The following LTBP2 variants were observed in gnomAD, a reference collection of about 807,000 sequenced individuals.
The protein encoded by LTBP2 is latent transforming growth factor beta binding protein 2, also known as latent-transforming growth factor beta-binding protein 2.
Under a neutral mutation model 210.6 loss-of-function variants are expected in LTBP2, and 103 were observed. The observed-to-expected ratio is 0.49, with a 90% CI of 0.42 to 0.58. The LOEUF (loss-of-function observed/expected upper bound fraction) is 0.58. LTBP2 is among the 20% of genes least tolerant of loss of function. The pLI is 0.00. For synonymous variants in LTBP2, 1,007 were observed against 1,015.0 expected (o/e 0.99, Z 0.15); for missense variants, 2,313 against 2,494.5 (o/e 0.93, Z 1.55).
At chr14:74,561,980 CG>C (rs2087799994) in intron 3 of LTBP2, among the ~76,000 whole-genome samples, 1 of 152,038 alleles carries the variant, frequency 6.6e-6, no homozygotes, top group Non-Finnish European at 1.5e-5. Flanking sequence ...GAGGCCGAGG[CG>C]GATGGATCAC....
intron 7 of LTBP2, 82 bp downstream of exon 7, chr14:74,550,982 G>T: frequency 6.6e-7 from 1 of 1,526,516 alleles, no homozygotes; most frequent in Non-Finnish European, 9.0e-7. Context: ...GAACAAAGAG[G>T]ACAGAGAGGA....
Position 74,499,253 on chromosome 14 carries a change from G to A in LTBP2, c.*1631C>T, listed in dbSNP as rs183119073. 436 of 217,298 alleles carry A rather than the reference G, an allele frequency of 2.0e-3. No homozygotes were observed. The highest frequency in any genetic ancestry group is 3.3e-3 in the Non-Finnish European group (361 of 107,856). 13.5% of individuals were successfully genotyped at this position (217,298 alleles called of 1,614,324 possible). A position where few individuals can be genotyped will look rare whatever the true frequency, so the allele number is the denominator to read the frequency against. ...TGAGTGAAAGAATATTTTTACATGC[G>A]TAAGAGTGACTTATTTTTGTCTGCT... is the stretch of plus-strand genomic sequence containing the variant. On this transcript the variant is annotated 3_prime_UTR_variant, in exon 36 of 36. Coordinates refer to ENST00000261978, the MANE Select transcript of LTBP2 (RefSeq NM_000428.3).
chr14:74,528,297 G>A (rs1416846857), intron 12 of LTBP2, among the ~76,000 whole-genome samples, 186 bp downstream of exon 12: 1 of 152,218 alleles, frequency 6.6e-6, no homozygotes, highest in African/African-American at 2.4e-5. Flanking sequence ...ATATGGAAGA[G>A]GAAGTGGGTG....
intron 8 of LTBP2, among the ~76,000 whole-genome samples, chr14:74,537,411 T>C (rs2087435759): frequency 6.6e-6 from 1 of 152,208 alleles, no homozygotes; most frequent in Non-Finnish European, 1.5e-5. Context: ...GCACGAGCAA[T>C]TGCCACAGAC....
intron 17 of LTBP2, 50 bp downstream of exon 17, chr14:74,521,861 C>G: frequency 1.2e-6 from 2 of 1,611,888 alleles, no homozygotes; most frequent in Non-Finnish European, 1.7e-6. Context: ...CCTCTTCCAC[C>G]CCCTCAAGAC....
chr14:74,594,931 CAG>C (rs897011686), intron 2 of LTBP2, among the ~76,000 whole-genome samples: 12 of 152,360 alleles, frequency 7.9e-5, no homozygotes, highest in African/African-American at 2.9e-4. Flanking sequence ...GTCAGGGCCT[CAG>C]GGGCTCACCC....
chr14:74,536,772 G>A (rs1325256725), intron 8 of LTBP2, among the ~76,000 whole-genome samples: 1 of 152,204 alleles, frequency 6.6e-6, no homozygotes, highest in African/African-American at 2.4e-5. Flanking sequence ...CTTGAACCCA[G>A]GAGGGGGAGG....
chr14:74,558,931 T>G (rs2087761283), intron 3 of LTBP2, among the ~76,000 whole-genome samples: 1 of 152,174 alleles, frequency 6.6e-6, no homozygotes, highest in Non-Finnish European at 1.5e-5. Context: ...GCAAGTCACT[T>G]AGCTCCCCTG....
Position 74,502,875 on chromosome 14 carries a change from G to A in LTBP2, c.4948C>T (p.His1650Tyr), listed in dbSNP as rs755064752. Reference protein sequence around the residue: ...RIEAEREAGVHFRPGYEYGPG... With the variant: ...RIEAEREAGVYFRPGYEYGPG... ...CCATACTCATAGCCTGGCCGGAAGT[G>A]GACCCCGGCCTCCCGCTCTGCCTCA... The change falls in exon 34 of 36, where the codon CAC becomes TAC. Residue 1650 changes from histidine to tyrosine, a missense_variant. Transcript: ENST00000261978. The A allele has an allele frequency of 7.7e-5, 125 of 1,613,542 alleles. 4 individuals are homozygous for A. In the South Asian group the frequency reaches 1.4e-3, roughly 18 times the overall value.
At chr14:74,530,042 C>T (rs190479373) in intron 10 of LTBP2, among the ~76,000 whole-genome samples, 5 of 152,314 alleles carry the variant, frequency 3.3e-5, no homozygotes, top group Admixed American at 6.5e-5. Flanking sequence ...AGCTTCTTCA[C>T]GTGTAAAATG....
chr14:74,513,106 G>C (rs1595245494), intron 18 of LTBP2, among the ~76,000 whole-genome samples: 1 of 152,356 alleles, frequency 6.6e-6, no homozygotes, highest in African/African-American at 2.4e-5. Context: ...ATCAGGCAAC[G>C]TGGGAAGGAG....
chr14:74,532,686 C>T (rs2087367538), intron 9 of LTBP2, 138 bp from the exon 10 acceptor site: 2 of 944,242 alleles, frequency 2.1e-6, no homozygotes, highest in African/African-American at 3.3e-5. Context: ...TGGGATTCCT[C>T]TCCCTGTGCC....
chr14:74,548,120 G>A (rs1359060487), intron 8 of LTBP2, among the ~76,000 whole-genome samples: 1 of 151,354 alleles, frequency 6.6e-6, no homozygotes, highest in Non-Finnish European at 1.5e-5. Flanking sequence ...TAGCCTGTAG[G>A]GCCCCCATCC....
chr14:74,500,766 C>T lies in LTBP2; in HGVS notation c.*118G>A, dbSNP rs1167635565. On this transcript the variant is annotated 3_prime_UTR_variant, in exon 36 of 36. Transcript: ENST00000261978. ...CTGGGAGAGATGAAAGCAGGCAAGG[C>T]TGATTGGAAACCTCTGGCCTGATGT... 7 of 1,376,100 alleles carry T rather than the reference C, an allele frequency of 5.1e-6. No homozygotes were observed. The allele number at this position is 1,376,100 out of a possible 1,614,324, so 85.2% of individuals were successfully genotyped here.
At chr14:74,534,406 T>C (rs143038001) in intron 9 of LTBP2, among the ~76,000 whole-genome samples, 24 of 152,274 alleles carry the variant, frequency 1.6e-4, no homozygotes, top group Non-Finnish European at 2.6e-4. Context: ...CACAAACTGT[T>C]CTTTTGCTTA....
chr14:74,532,415 C>A lies in LTBP2; in HGVS notation c.1987+11G>T. 6.2e-7 allele frequency: 1 copy of A among 1,613,840 alleles called. No individual in the cohort carries two copies. ...ACTGTCCACCCCCACCCCATCCCTG[C>A]CAGCACTCACACACACAGCGGCTCC... On this transcript the variant is annotated intron_variant, in intron 10 of 35. Coordinates refer to ENST00000261978, the MANE Select transcript of LTBP2 (RefSeq NM_000428.3).
chr14:74,536,478 C>CA (rs1214024516), intron 8 of LTBP2, among the ~76,000 whole-genome samples: 1 of 152,124 alleles, frequency 6.6e-6, no homozygotes, highest in East Asian at 1.9e-4. Context: ...GTTCTCACCA[C>CA]AAAAAATAAA....
chr14:74,535,407 G>A (rs2087407500), intron 9 of LTBP2, among the ~76,000 whole-genome samples: 1 of 152,140 alleles, frequency 6.6e-6, no homozygotes, highest in African/African-American at 2.4e-5. Context: ...CCAGCCCCAG[G>A]AGCCTGTCCC....
chr14:74,566,280 C>T (rs1215926319), intron 3 of LTBP2, among the ~76,000 whole-genome samples: 1 of 152,150 alleles, frequency 6.6e-6, no homozygotes, highest in Non-Finnish European at 1.5e-5. Flanking sequence ...AACACCAACG[C>T]TTAAGAGGCA....
Sources: allele counts gnomAD v4.1 joint callset (sites outside exome capture counted in the v4.1 genomes callset), GRCh38; gene constraint gnomAD v4.1.1; transcripts MANE v1.5; gene names NCBI Gene and HGNC (gene_info 2026-07-23, HGNC 2026-07-21).